ARHGEF3: variants seen among roughly 807,000 people sequenced by gnomAD.
ARHGEF3 encodes 59.8 kDA protein.
A neutral mutation model predicts 63.2 loss-of-function variants in ARHGEF3; 28 were observed. The ratio of observed to expected loss-of-function variants is 0.44; its 90% CI spans 0.33 to 0.61. The LOEUF is 0.61. ARHGEF3 is among the 20% of genes least tolerant of loss of function. The pLI is 0.03. For synonymous variants in ARHGEF3, 266 were observed against 254.2 expected (o/e 1.05, Z -0.44); for missense variants, 533 against 659.3 (o/e 0.81, Z 2.10).
At chr3:56,745,556 A>G (rs2034326415) in intron 6 of ARHGEF3, 94 bp from the exon 7 acceptor site, 23 of 1,423,578 alleles carry the variant, frequency 1.6e-5, no homozygotes, top group Non-Finnish European at 2.1e-5. Context: ...ACAAACACCT[A>G]ACTGGTCTCT....
intron 8 of ARHGEF3, among the ~76,000 whole-genome samples, chr3:56,736,049 AACACACACACACAC>A (rs10530565): frequency 0.16 from 22,882 of 147,134 alleles, 1,933 homozygotes; most frequent in South Asian, 0.36. Context: ...CAGAAATTTA[AACACACACACACAC>A]ACACACACAC....
intron 2 of ARHGEF3, among the ~76,000 whole-genome samples, chr3:57,003,268 C>T (rs1377215901): frequency 4.0e-5 from 6 of 150,988 alleles, no homozygotes; most frequent in Non-Finnish European, 7.4e-5. Flanking sequence ...CTGGGTGTGG[C>T]GGCGCACTCC....
intron 1 of ARHGEF3, among the ~76,000 whole-genome samples, chr3:57,055,984 G>T (rs1579180945): frequency 1.3e-5 from 2 of 152,184 alleles, no homozygotes; most frequent in African/African-American, 2.4e-5. Context: ...TGTCAGATCT[G>T]CTGGGCACTG....
intron 3 of ARHGEF3, among the ~76,000 whole-genome samples, chr3:56,887,198 T>C (rs1259851282): frequency 6.6e-6 from 1 of 152,156 alleles, no homozygotes; most frequent in African/African-American, 2.4e-5. Flanking sequence ...TAGTGTTTGT[T>C]TGGAGCACTG....
In ARHGEF3 at chr3:56,995,666, A is replaced by AGAGAGAGAGAGAGAGAGAGAGAGG. The variant is rs1560116629; in HGVS notation, c.63-36778_63-36777insCCTCTCTCTCTCTCTCTCTCTCTC. 1.3e-4 allele frequency among the ~76,000 whole-genome samples: 16 copies of AGAGAGAGAGAGAGAGAGAGAGAGG among 127,116 alleles called. 1 individual carries two copies. Among genetic ancestry groups the AGAGAGAGAGAGAGAGAGAGAGAGG allele is most frequent in the Non-Finnish European group, 5.2e-5 (3 of 57,864 alleles). 83.4% of individuals were successfully genotyped at this position (127,116 alleles called of 152,430 possible). On this transcript the variant is annotated intron_variant, in intron 2 of 12. Transcript: ENST00000338458. ...GAGAGAGAGAGAGAGAGAGAGAGAGAGAGAGAATTTTTTTTAACCTGGTCT... is the reference window on the plus strand; with the variant it reads ...GAGAGAGAGAGAGAGAGAGAGAGAGAGAGAGAGAGAGAGAGAGAGAGAGGGAGAGAATTTTTTTTAACCTGGTCT...
At chr3:57,036,211 G>T (rs867430719) in intron 1 of ARHGEF3, among the ~76,000 whole-genome samples, 1 of 152,140 alleles carries the variant, frequency 6.6e-6, no homozygotes, top group Non-Finnish European at 1.5e-5. Flanking sequence ...CTTCCAGTGC[G>T]AAGACTCTCA....
chr3:57,011,112 A>G (rs9828584), intron 2 of ARHGEF3, among the ~76,000 whole-genome samples: 15,234 of 152,192 alleles, frequency 0.1, 2,599 homozygotes, highest in African/African-American at 0.35. Context: ...TGAACATGCA[A>G]CCGGCGAGGG....
chr3:56,788,289 A>T (rs11712455), intron 1 of ARHGEF3, among the ~76,000 whole-genome samples: 3 of 152,108 alleles, frequency 2.0e-5, no homozygotes, highest in Non-Finnish European at 4.4e-5. Flanking sequence ...AAGCTCCCCA[A>T]TGAAATTGCC....
chr3:56,755,286 G>T lies in ARHGEF3; in HGVS notation c.205-135C>A, dbSNP rs2035003020. On this transcript the variant is annotated intron_variant, in intron 2 of 9. Transcript: ENST00000296315. ...GAGGACATTGCCACAAGGCCTTTGGGAAGTGGGGCATTGTCTTGAGCCTAC... is the reference window on the plus strand; with the variant it reads ...GAGGACATTGCCACAAGGCCTTTGGTAAGTGGGGCATTGTCTTGAGCCTAC... 6.0e-6 allele frequency: 6 copies of T among 1,002,202 alleles called. No homozygotes were observed. The Admixed American group carries it at 7.9e-5, about 13-fold the overall frequency. 62.1% of individuals were successfully genotyped at this position (1,002,202 alleles called of 1,614,324 possible).
intron 1 of ARHGEF3, among the ~76,000 whole-genome samples, chr3:56,776,368 C>G (rs2036286388): frequency 6.6e-6 from 1 of 152,234 alleles, no homozygotes; most frequent in Non-Finnish European, 1.5e-5. Flanking sequence ...CTCTGGCAAT[C>G]TGACATTCCC....
At chr3:57,002,481 A>ATATATATATATATATATATGT (rs1560122783) in intron 2 of ARHGEF3, among the ~76,000 whole-genome samples, 6 of 19,470 alleles carry the variant, frequency 3.1e-4, no homozygotes, top group Non-Finnish European at 4.2e-4. Flanking sequence ...TATATATGTT[A>ATATATATATATATATATATGT]TATATATATA....
At chr3:57,045,482 T>C (rs1234245199) in intron 1 of ARHGEF3, among the ~76,000 whole-genome samples, 1 of 152,164 alleles carries the variant, frequency 6.6e-6, no homozygotes, top group Non-Finnish European at 1.5e-5. Flanking sequence ...ATGATAGGCA[T>C]GGACCCAGCA....
intron 2 of ARHGEF3, among the ~76,000 whole-genome samples, chr3:56,973,867 T>A (rs1445995393): frequency 6.6e-6 from 1 of 152,154 alleles, no homozygotes; most frequent in African/African-American, 2.4e-5. Context: ...TCCACCGAAG[T>A]CATTAAAATA....
At chr3:56,789,721 CTTAA>C (rs1315747520) in intron 1 of ARHGEF3, among the ~76,000 whole-genome samples, 8 of 152,094 alleles carry the variant, frequency 5.3e-5, no homozygotes, top group South Asian at 2.1e-4. Flanking sequence ...GTACTATTTC[CTTAA>C]TTAGTCATTT....
At chr3:56,875,903 G>T (rs1464837961) in intron 4 of ARHGEF3, among the ~76,000 whole-genome samples, 1 of 152,200 alleles carries the variant, frequency 6.6e-6, no homozygotes, top group Non-Finnish European at 1.5e-5. Flanking sequence ...ACAATGCTGG[G>T]TGATAAAGGC....
intron 2 of ARHGEF3, among the ~76,000 whole-genome samples, chr3:56,990,642 T>G (rs1701713580): frequency 6.6e-6 from 1 of 152,168 alleles, no homozygotes; most frequent in African/African-American, 2.4e-5. Context: ...AGAACTGCCT[T>G]TATTGTTAGC....
intron 2 of ARHGEF3, among the ~76,000 whole-genome samples, chr3:57,006,329 C>A (rs1298254892): frequency 6.6e-6 from 1 of 152,122 alleles, no homozygotes; most frequent in African/African-American, 2.4e-5. Context: ...TCTGGAGAAC[C>A]ACTACACCGA....
Position 56,755,063 on chromosome 3 carries a change from C to T in ARHGEF3, c.293G>A (p.Arg98Gln). The T allele has an allele frequency of 1.9e-6, 3 of 1,614,128 alleles. No homozygotes were observed. Among genetic ancestry groups the T allele is most frequent in the Non-Finnish European group, 1.7e-6 (2 of 1,180,022 alleles). Residue 98 changes from arginine (R) to glutamine (Q), a missense_variant, in exon 3 of 10, where the codon CGG becomes CAG. By Grantham distance (43) the Arg-to-Gln change is conservative. Around this residue, in one of 4 missense-constraint regions of ARHGEF3, gnomAD observed 160 missense variants for 157.3 expected, o/e 1.02. Coordinates refer to ENST00000296315, the MANE Select transcript of ARHGEF3 (RefSeq NM_019555.3). The stretch of plus-strand genomic sequence containing the variant: ...CTCACTCCACAGCTTGCTATCTCTC[C>T]GTTTCGTGCTCGAGGGGGCGGCATT... ...SRNAAPSSTK[R>Q]RDSKLWSETF... is the part of the protein sequence containing the mutation.
intron 3 of ARHGEF3, among the ~76,000 whole-genome samples, chr3:56,916,977 AC>A: frequency 6.6e-6 from 1 of 151,782 alleles, no homozygotes; most frequent in Non-Finnish European, 1.5e-5. Flanking sequence ...GCTTCTGGAA[AC>A]CTCCCTTTCA....
Sources: allele counts gnomAD v4.1 joint callset (sites outside exome capture counted in the v4.1 genomes callset), GRCh38; gene constraint gnomAD v4.1.1; regional missense constraint gnomAD v4.1.1; transcripts MANE v1.5; gene names NCBI Gene and HGNC (gene_info 2026-07-23, HGNC 2026-07-21).